Variants in ATXN1 observed in about 807,000 individuals in gnomAD.
ATXN1 encodes the protein ataxin-1.
A neutral mutation model predicts 56.4 loss-of-function variants in ATXN1; 8 were observed. That is an observed-to-expected ratio of 0.14 (90% CI 0.08 to 0.26). The LOEUF (loss-of-function observed/expected upper bound fraction) is 0.26. Among genes scored for constraint, ATXN1 ranks in the 10% least tolerant of loss-of-function variants. ATXN1 has a pLI of 1.00. For synonymous variants in ATXN1, 514 were observed against 494.6 expected (o/e 1.04, Z -0.52); for missense variants, 987 against 1,106.5 (o/e 0.89, Z 1.53).
intron 6 of ATXN1, among the ~76,000 whole-genome samples, chr6:16,457,160 A>G (rs1759892609): frequency 6.6e-6 from 1 of 152,182 alleles, no homozygotes; most frequent in Admixed American, 6.5e-5. Flanking sequence ...TGCATTGGTA[A>G]GGGCCACTAA....
chr6:16,370,991 G>A lies in ATXN1; in HGVS notation c.-160-42521C>T, dbSNP rs1034644452. Among the ~76,000 whole-genome samples, 5 of 152,156 alleles carry A rather than the reference G, an allele frequency of 3.3e-5. No homozygotes were observed. In the South Asian group the frequency reaches 8.3e-4, roughly 25 times the overall value. On this transcript the variant is annotated intron_variant, in intron 6 of 7. Coordinates refer to ENST00000436367, the MANE Select transcript of ATXN1 (RefSeq NM_001128164.2). ...TTCTAGGAGCCATGCCTGGGATGTC[G>A]TGGTGGCTAAGATGGAGTCCCTACT...
At chr6:16,426,260 A>T (rs1759151785) in intron 6 of ATXN1, among the ~76,000 whole-genome samples, 1 of 125,866 alleles carries the variant, frequency 7.9e-6, no homozygotes, top group African/African-American at 3.0e-5. Context: ...ACACAAAAGG[A>T]GGAGAGGGCT....
intron 6 of ATXN1, among the ~76,000 whole-genome samples, chr6:16,442,832 CA>C (rs1241286780): frequency 6.6e-6 from 1 of 151,888 alleles, no homozygotes; most frequent in Non-Finnish European, 1.5e-5. Flanking sequence ...GCCAACATGG[CA>C]AAACCCCGTC....
chr6:16,601,605 C>T (rs531905849), intron 3 of ATXN1, among the ~76,000 whole-genome samples: 16 of 152,290 alleles, frequency 1.1e-4, no homozygotes, highest in African/African-American at 3.8e-4. Context: ...AATCCCAGCA[C>T]TTAGTGAGGC....
intron 3 of ATXN1, among the ~76,000 whole-genome samples, chr6:16,595,356 C>T (rs984956444): frequency 1.3e-5 from 2 of 152,208 alleles, no homozygotes; most frequent in Non-Finnish European, 2.9e-5. Flanking sequence ...GGGTGAGCTA[C>T]GAATCGGCCC....
chr6:16,388,341 G>A (rs1437236915), intron 6 of ATXN1, among the ~76,000 whole-genome samples: 2 of 152,104 alleles, frequency 1.3e-5, no homozygotes, highest in African/African-American at 4.8e-5. Flanking sequence ...GAACTTTCCT[G>A]AGAGTGATTC....
intron 2 of ATXN1, among the ~76,000 whole-genome samples, chr6:16,669,621 T>A (rs1366046060): frequency 6.6e-6 from 1 of 151,794 alleles, no homozygotes; most frequent in African/African-American, 2.4e-5. Flanking sequence ...CCCTATTTGG[T>A]GAATAGCAAA....
chr6:16,599,988 T>C (rs1282921291), intron 3 of ATXN1, among the ~76,000 whole-genome samples: 1 of 152,204 alleles, frequency 6.6e-6, no homozygotes, highest in Admixed American at 6.5e-5. Context: ...TGGGAAACAA[T>C]GTGTGTCCTA....
chr6:16,393,537 A>G (rs1340450190), intron 6 of ATXN1, among the ~76,000 whole-genome samples: 1 of 152,188 alleles, frequency 6.6e-6, no homozygotes, highest in Admixed American at 6.5e-5. Context: ...GATGGTTCAT[A>G]GTGAGTTGTT....
chr6:16,638,913 A>G (rs1763650187), intron 3 of ATXN1, among the ~76,000 whole-genome samples: 2 of 152,200 alleles, frequency 1.3e-5, no homozygotes, highest in South Asian at 4.1e-4. Context: ...CTATAATTAA[A>G]TGCAGAAGTG....
intron 6 of ATXN1, among the ~76,000 whole-genome samples, chr6:16,427,499 TCA>T (rs1241649413): frequency 6.6e-6 from 1 of 152,178 alleles, no homozygotes; most frequent in Non-Finnish European, 1.5e-5. Flanking sequence ...TGACACACAC[TCA>T]CATTCATAAA....
intron 2 of ATXN1, among the ~76,000 whole-genome samples, chr6:16,718,668 T>A (rs1759686129): frequency 6.6e-6 from 1 of 152,250 alleles, no homozygotes; most frequent in Non-Finnish European, 1.5e-5. Flanking sequence ...ACAGCTACAG[T>A]GGAGACCATC....
chr6:16,758,282 C>G (rs977591140), intron 1 of ATXN1, among the ~76,000 whole-genome samples: 1 of 152,230 alleles, frequency 6.6e-6, no homozygotes, highest in East Asian at 1.9e-4. Flanking sequence ...GCTCTTCACA[C>G]TTGAAAGGGT....
intron 6 of ATXN1, among the ~76,000 whole-genome samples, chr6:16,330,069 T>TTTTCTTTCTTTC: frequency 6.6e-6 from 1 of 151,426 alleles, no homozygotes; most frequent in East Asian, 2.0e-4. Context: ...AATGATCTGA[T>TTTTCTTTCTTTC]TTTCTTTCTT....
chr6:16,639,216 G>C (rs188914724), intron 3 of ATXN1, among the ~76,000 whole-genome samples: 50 of 152,298 alleles, frequency 3.3e-4, no homozygotes, highest in African/African-American at 1.2e-3. Context: ...CCCCTTCCAC[G>C]CTGTGGAAGG....
intron 6 of ATXN1, among the ~76,000 whole-genome samples, chr6:16,417,471 C>T (rs1259006110): frequency 2.2e-5 from 3 of 139,038 alleles, no homozygotes; most frequent in South Asian, 5.4e-4. Context: ...CGGAGTCTTG[C>T]TCTGTCACCC....
intron 5 of ATXN1, among the ~76,000 whole-genome samples, chr6:16,494,444 T>C (rs1461070613): frequency 1.3e-5 from 2 of 152,198 alleles, no homozygotes; most frequent in Admixed American, 1.3e-4. Flanking sequence ...GAACACATTA[T>C]CAGAGATAAA....
chr6:16,348,062 G>A (rs1175482538), intron 6 of ATXN1, among the ~76,000 whole-genome samples: 4 of 152,118 alleles, frequency 2.6e-5, no homozygotes, highest in Admixed American at 6.6e-5. Flanking sequence ...AACACTCACC[G>A]CAAGGGTCCA....
intron 4 of ATXN1, among the ~76,000 whole-genome samples, chr6:16,534,226 A>G (rs1387128605): frequency 6.6e-6 from 1 of 152,022 alleles, no homozygotes; most frequent in Non-Finnish European, 1.5e-5. Context: ...GGTCCCAAAT[A>G]ACCCAGTTAA....
Sources: gnomAD v4.1 joint callset for allele counts (sites outside exome capture counted in the v4.1 genomes callset) on GRCh38, gnomAD v4.1.1 for gene constraint, MANE v1.5 for transcripts, NCBI Gene and HGNC (gene_info 2026-07-23, HGNC 2026-07-21) for gene names.